The following MID1 variants were observed in gnomAD, a reference collection of about 807,000 sequenced individuals.
MID1 encodes E3 ubiquitin-protein ligase Midline-1.
In MID1, 7 loss-of-function variants were observed where a neutral mutation model predicts 40.4. That is an observed-to-expected ratio of 0.17 (90% CI 0.10 to 0.33). The LOEUF (loss-of-function observed/expected upper bound fraction) is 0.33, where lower values mean the gene tolerates loss of function less well. MID1 is among the 10% of genes least tolerant of loss of function. The pLI, the probability that MID1 is intolerant of heterozygous loss-of-function variation, is 1.00. For missense variants in MID1, 367 were observed against 558.5 expected, an observed-to-expected ratio of 0.66 and a Z score of 3.46; for synonymous variants, 229 against 221.2, an observed-to-expected ratio of 1.04 and a Z score of -0.31.
intron 1 of MID1, among the ~76,000 whole-genome samples, chrX:10,599,268 A>G (rs1165868169): frequency 1.8e-5 from 2 of 112,064 alleles, no homozygotes; most frequent in Non-Finnish European, 3.8e-5. Context: ...ATCTTCTCCA[A>G]GTCAAGCATC....
chrX:10,448,353 A>G lies in MID1; in HGVS notation c.*1015T>C, dbSNP rs1602231703. On this transcript the variant is annotated 3_prime_UTR_variant, in exon 10 of 10. Transcript: ENST00000317552. ...TCAGGGCCATGTGCTGATGTCCTGGAGAGCAAAATCAATCCAAAGTGGTGC... is the reference window on the plus strand; with the variant it reads ...TCAGGGCCATGTGCTGATGTCCTGGGGAGCAAAATCAATCCAAAGTGGTGC... 9.0e-6 allele frequency: 1 copy of G among 111,380 alleles called. No homozygotes were observed. Among genetic ancestry groups the G allele is most frequent in the East Asian group, 2.8e-4 (1 of 3,536 alleles). The allele number at this position is 111,380 out of a possible 1,213,427, so 9.2% of individuals were successfully genotyped here. A position where few individuals can be genotyped will look rare whatever the true frequency, so the allele number is the denominator to read the frequency against.
At chrX:10,700,554 A>T (rs1269037068) in intron 1 of MID1, among the ~76,000 whole-genome samples, 1 of 111,782 alleles carries the variant, frequency 8.9e-6, no homozygotes, top group Admixed American at 9.5e-5. Flanking sequence ...CCCTGTCTCA[A>T]AAAAAGAAAA....
chrX:10,554,405 C>A (rs1201234149), intron 2 of MID1, among the ~76,000 whole-genome samples: 1 of 112,100 alleles, frequency 8.9e-6, no homozygotes, highest in Non-Finnish European at 1.9e-5. Context: ...ACTCCACCTT[C>A]CTGTACTACC....
rs1230622754 is a variant in MID1 at position 10,567,445 on chromosome X, G to C, written c.103C>G (p.His35Asp). ...CAHSLCFNCA[H>D]RILVSHCATN... is the part of the protein sequence containing the mutation. ...GCACAGTGTGATACTAGGATGCGGT[G>C]GGCGCAGTTGAAGCAGAGGCTGTGT... The change falls in exon 2 of 10, where the codon CAC becomes GAC. Residue 35 changes from histidine to aspartate, a missense_variant. Around this residue, in one of 3 missense-constraint regions of MID1, gnomAD observed 78 missense variants for 112.6 expected, o/e 0.69. Transcript: ENST00000317552. The C allele has an allele frequency of 8.3e-7, 1 of 1,211,431 alleles. No homozygotes were observed. The highest frequency in any genetic ancestry group is 2.2e-5 in the Admixed American group (1 of 46,039).
intron 1 of MID1, among the ~76,000 whole-genome samples, chrX:10,655,301 A>G (rs758496314): frequency 3.6e-5 from 4 of 111,751 alleles, no homozygotes; most frequent in Non-Finnish European, 7.5e-5. Flanking sequence ...AATATGAGCC[A>G]CCAGTATCAT....
chrX:10,608,349 A>G (rs765565342), intron 1 of MID1, among the ~76,000 whole-genome samples: 2 of 112,082 alleles, frequency 1.8e-5, no homozygotes, highest in Non-Finnish European at 3.8e-5. Flanking sequence ...AAGTCCTTAA[A>G]CAAGTTGATG....
intron 1 of MID1, among the ~76,000 whole-genome samples, chrX:10,582,453 T>C (rs781214680): frequency 8.9e-6 from 1 of 112,044 alleles, no homozygotes; most frequent in East Asian, 2.8e-4. Context: ...TCTTATCTCC[T>C]CCTGGGGATA....
At chrX:10,787,345 AT>A (rs1190296610) in intron 1 of MID1, among the ~76,000 whole-genome samples, 1 of 108,843 alleles carries the variant, frequency 9.2e-6, no homozygotes, top group African/African-American at 3.4e-5. Flanking sequence ...TGAGGGATCT[AT>A]TTTTTTTAAA....
At chrX:10,813,296 A>T (rs985850050) in intron 1 of MID1, among the ~76,000 whole-genome samples, 2 of 111,463 alleles carry the variant, frequency 1.8e-5, no homozygotes, top group African/African-American at 6.5e-5. Flanking sequence ...ACACAAAAAC[A>T]GTGTAATGAT....
intron 1 of MID1, among the ~76,000 whole-genome samples, chrX:10,615,486 A>G (rs909379042): frequency 1.8e-5 from 2 of 112,443 alleles, no homozygotes; most frequent in Non-Finnish European, 3.8e-5. Context: ...TGTACTACAA[A>G]TGATCAGCAC....
In MID1 at chrX:10,680,272, G is replaced by A. The variant is rs976166453; in HGVS notation, c.-186-59853C>T. On this transcript the variant is annotated intron_variant, in intron 1 of 10. Transcript: ENST00000380785. ...TAGGCTTGAAGATACGTATCTTTAC[G>A]TTCTTGAAGTTAAAATTCATCAGAT... is the stretch of plus-strand genomic sequence containing the variant. Among the ~76,000 whole-genome samples, 3 of 111,508 alleles carry A rather than the reference G, an allele frequency of 2.7e-5. No individual in the cohort carries two copies. In the Admixed American group the frequency reaches 2.9e-4, roughly 11 times the overall value.
chrX:10,704,731 T>TACAC (rs1386328577), intron 1 of MID1, among the ~76,000 whole-genome samples: 12 of 82,088 alleles, frequency 1.5e-4, no homozygotes, highest in African/African-American at 7.1e-4. Flanking sequence ...TATATATATA[T>TACAC]ATATATATAC....
At chrX:10,590,923 G>T (rs1254491981) in intron 1 of MID1, among the ~76,000 whole-genome samples, 1 of 111,504 alleles carries the variant, frequency 9.0e-6, no homozygotes, top group African/African-American at 3.3e-5. Context: ...AAAATTTAAA[G>T]GAAAAAAGTT....
chrX:10,552,986 T>C (rs896559918), intron 2 of MID1, among the ~76,000 whole-genome samples: 1 of 111,874 alleles, frequency 8.9e-6, no homozygotes, highest in African/African-American at 3.2e-5. Context: ...TGGTGGCTCA[T>C]GATGTAATCC....
intron 1 of MID1, among the ~76,000 whole-genome samples, chrX:10,783,773 G>A (rs948229150): frequency 1.8e-4 from 18 of 98,735 alleles, no homozygotes; most frequent in African/African-American, 4.3e-4. Context: ...CACAGTGCCT[G>A]CTTCATCATT....
chrX:10,469,865 A>G, intron 6 of MID1, 25 bp from the exon 7 acceptor site: 1 of 1,194,467 alleles, frequency 8.4e-7, no homozygotes, highest in South Asian at 1.8e-5. Context: ...AATGCTTATC[A>G]GTGGAAAAGC....
chrX:10,677,547 G>A (rs1051067839), intron 1 of MID1: 1 of 112,837 alleles, frequency 8.9e-6, no homozygotes, highest in Admixed American at 9.3e-5. Flanking sequence ...ATTTTGCAAT[G>A]AGGGCTGTTT....
intron 2 of MID1, among the ~76,000 whole-genome samples, chrX:10,558,291 C>T (rs1262232106): frequency 9.0e-6 from 1 of 110,842 alleles, no homozygotes; most frequent in African/African-American, 3.3e-5. Flanking sequence ...GGTCTCACTC[C>T]TGCAGAGCAC....
chrX:10,525,819 C>T (rs1932819575), intron 2 of MID1, among the ~76,000 whole-genome samples: 1 of 111,656 alleles, frequency 9.0e-6, no homozygotes, highest in South Asian at 3.8e-4. Context: ...GGGGTCTTGG[C>T]CTCCAGGTGT....
Sources: allele counts gnomAD v4.1 joint callset (sites outside exome capture counted in the v4.1 genomes callset), GRCh38; gene constraint gnomAD v4.1.1; regional missense constraint gnomAD v4.1.1; transcripts MANE v1.5; gene names NCBI Gene and HGNC (gene_info 2026-07-23, HGNC 2026-07-21).